Variants in PABPC4L observed in about 807,000 individuals in gnomAD.
The protein encoded by PABPC4L is polyadenylate-binding protein 4-like.
For synonymous variants in PABPC4L, 169 were observed against 164.1 expected (o/e 1.03, Z -0.23); for missense variants, 452 against 451.4 (o/e 1.00, Z -0.01).
the PABPC4L span, among the ~76,000 whole-genome samples, chr4:134,050,358 C>T: frequency 6.6e-6 from 1 of 152,040 alleles, no homozygotes; most frequent in Non-Finnish European, 1.5e-5. Context: ...CTTGACACAT[C>T]AAGTAATCGC....
chr4:134,097,576 G>A, the PABPC4L span, among the ~76,000 whole-genome samples: 1 of 151,828 alleles, frequency 6.6e-6, no homozygotes, highest in Admixed American at 6.6e-5. Context: ...AATCTAGAAT[G>A]ACTGTGCAAA....
the PABPC4L span, among the ~76,000 whole-genome samples, chr4:134,183,002 C>T: frequency 3.3e-5 from 5 of 151,820 alleles, no homozygotes; most frequent in African/African-American, 1.2e-4. Flanking sequence ...TTATGCACTG[C>T]TTGTGGGAAT....
chr4:134,000,398 C>G, the PABPC4L span, among the ~76,000 whole-genome samples: 1 of 152,036 alleles, frequency 6.6e-6, no homozygotes, highest in Non-Finnish European at 1.5e-5. Context: ...TAATAGGAAA[C>G]AGTTACTGGT....
chr4:134,086,494 G>T, the PABPC4L span, among the ~76,000 whole-genome samples: 107,770 of 151,892 alleles, frequency 0.71, 38,740 homozygotes, highest in East Asian at 0.96. Flanking sequence ...AATAGTAGAA[G>T]ATACACAACA....
At chr4:134,131,577 C>T in the PABPC4L span, among the ~76,000 whole-genome samples, 1 of 151,754 alleles carries the variant, frequency 6.6e-6, no homozygotes, top group African/African-American at 2.4e-5. Context: ...ATTCCATGCT[C>T]ATGGATGGGT....
the PABPC4L span, among the ~76,000 whole-genome samples, chr4:134,017,056 T>C: frequency 1.3e-5 from 2 of 152,180 alleles, no homozygotes; most frequent in African/African-American, 2.4e-5. Context: ...CGGTTTGGCC[T>C]TCCCACCTCT....
the PABPC4L span, among the ~76,000 whole-genome samples, chr4:134,081,734 GAAAAA>G: frequency 6.6e-6 from 1 of 151,554 alleles, no homozygotes; most frequent in Non-Finnish European, 1.5e-5. Flanking sequence ...GTAAAAAAAA[GAAAAA>G]AGAAAAACCA....
At chr4:134,003,979 C>T in the PABPC4L span, among the ~76,000 whole-genome samples, 2 of 151,836 alleles carry the variant, frequency 1.3e-5, no homozygotes, top group Non-Finnish European at 2.9e-5. Flanking sequence ...ATCTCATACA[C>T]AAAAGTCAAC....
chr4:134,145,394 G>A, the PABPC4L span, among the ~76,000 whole-genome samples: 6 of 151,682 alleles, frequency 4.0e-5, no homozygotes, highest in East Asian at 3.9e-4. Flanking sequence ...AAAGAAAAGC[G>A]GTAAGCCTCA....
the PABPC4L span, among the ~76,000 whole-genome samples, chr4:134,059,681 C>T: frequency 2.0e-5 from 3 of 150,874 alleles, no homozygotes; most frequent in Admixed American, 6.6e-5. Context: ...TTCAATAGAA[C>T]GGTTAGTTGG....
chr4:133,965,415 A>G, the PABPC4L span, among the ~76,000 whole-genome samples: 1 of 152,260 alleles, frequency 6.6e-6, no homozygotes. Flanking sequence ...TACAAATTCA[A>G]TGCAAGCCCC....
the PABPC4L span, among the ~76,000 whole-genome samples, chr4:134,005,457 T>C: frequency 6.6e-6 from 1 of 151,858 alleles, no homozygotes; most frequent in African/African-American, 2.4e-5. Flanking sequence ...TTCTTTGTAG[T>C]GAAGAGGATA....
chr4:134,066,256 T>C, the PABPC4L span, among the ~76,000 whole-genome samples: 6 of 152,084 alleles, frequency 3.9e-5, no homozygotes, highest in Admixed American at 3.9e-4. Context: ...TGTAGACATA[T>C]TTCACCTCAC....
the PABPC4L span, among the ~76,000 whole-genome samples, chr4:134,087,313 A>G: frequency 6.6e-6 from 1 of 152,140 alleles, no homozygotes; most frequent in Non-Finnish European, 1.5e-5. Context: ...CATCATTCTC[A>G]GTAAACTATA....
chr4:134,168,761 G>A, the PABPC4L span, among the ~76,000 whole-genome samples: 1 of 151,702 alleles, frequency 6.6e-6, no homozygotes, highest in African/African-American at 2.4e-5. Context: ...AAACAAGATA[G>A]AACCAATAAT....
At chr4:134,011,679 AC>A in the PABPC4L span, among the ~76,000 whole-genome samples, 400 of 152,182 alleles carry the variant, frequency 2.6e-3, 5 homozygotes, top group Middle Eastern at 0.017. Context: ...ATAACGCCAA[AC>A]TTTTTGAAGA....
At chr4:134,056,360 C>G in the PABPC4L span, among the ~76,000 whole-genome samples, 1 of 151,792 alleles carries the variant, frequency 6.6e-6, no homozygotes, top group Non-Finnish European at 1.5e-5. Context: ...TAGTTTATAT[C>G]TATATCTACA....
At chr4:133,977,960 A>G in the PABPC4L span, 13 of 152,218 alleles carry the variant, frequency 8.5e-5, no homozygotes, top group African/African-American at 2.9e-4. Context: ...AGGCATAAAC[A>G]CTTACCTTCT....
At chr4:134,105,506 G>A in the PABPC4L span, among the ~76,000 whole-genome samples, 1 of 151,478 alleles carries the variant, frequency 6.6e-6, no homozygotes, top group African/African-American at 2.4e-5. Flanking sequence ...CTGATTCTAA[G>A]GATGCCTCCA....
Sources: allele counts gnomAD v4.1 joint callset (sites outside exome capture counted in the v4.1 genomes callset), GRCh38; gene constraint gnomAD v4.1.1; transcripts MANE v1.5; gene names NCBI Gene and HGNC (gene_info 2026-07-23, HGNC 2026-07-21).